The following CCDC171 variants were observed in gnomAD, a reference collection of about 807,000 sequenced individuals.
CCDC171 encodes coiled-coil domain containing 171.
In CCDC171, 177 loss-of-function variants were observed where a neutral mutation model predicts 168.2. The ratio of observed to expected loss-of-function variants is 1.05; its 90% CI spans 0.93 to 1.19. The LOEUF (loss-of-function observed/expected upper bound fraction) is 1.19, where lower values mean the gene tolerates loss of function less well. CCDC171 is among the 50% of genes most tolerant of loss of function. CCDC171 has a pLI of 0.00. For missense variants in CCDC171, 1,991 were observed against 1,539.0 expected (o/e 1.29, Z -4.91); for synonymous variants, 687 against 540.8 (o/e 1.27, Z -3.75).
At chr9:15,584,289 C>A (rs972578744) in intron 4 of CCDC171, among the ~76,000 whole-genome samples, 1 of 152,080 alleles carries the variant, frequency 6.6e-6, no homozygotes, top group Non-Finnish European at 1.5e-5. Flanking sequence ...TTTTACTCAC[C>A]CATGCAAGGT....
At chr9:16,044,324 C>T (rs2133060556) in intron 1 of CCDC171, among the ~76,000 whole-genome samples, 1 of 152,266 alleles carries the variant, frequency 6.6e-6, no homozygotes, top group East Asian at 1.9e-4. Flanking sequence ...GCCCAGTTTA[C>T]AGCCTGTCAG....
chr9:16,018,254 A>G (rs138631041), intron 3 of CCDC171, among the ~76,000 whole-genome samples: 1 of 152,308 alleles, frequency 6.6e-6, no homozygotes, highest in East Asian at 1.9e-4. Flanking sequence ...GGCCAGAAAG[A>G]TATATTATTT....
chr9:15,895,902 G>T (rs1236809387), intron 24 of CCDC171, among the ~76,000 whole-genome samples: 3 of 151,904 alleles, frequency 2.0e-5, no homozygotes, highest in African/African-American at 7.2e-5. Context: ...TATCATCACT[G>T]ATCTAGTAGT....
At chr9:16,095,828 A>C in the CCDC171 span, among the ~76,000 whole-genome samples, 1 of 148,024 alleles carries the variant, frequency 6.8e-6, no homozygotes, top group African/African-American at 2.5e-5. Context: ...ATACACACAC[A>C]CCCACATAGA....
the CCDC171 span, among the ~76,000 whole-genome samples, chr9:16,079,382 G>T: frequency 6.6e-6 from 1 of 152,188 alleles, no homozygotes; most frequent in Non-Finnish European, 1.5e-5. Context: ...AGGTAATTAG[G>T]ATGATCCCTA....
At chr9:15,654,048 C>G (rs888451506) in intron 7 of CCDC171, among the ~76,000 whole-genome samples, 1 of 152,116 alleles carries the variant, frequency 6.6e-6, no homozygotes, top group Admixed American at 6.5e-5. Flanking sequence ...TGAATATTTA[C>G]TAGTTTCACC....
intron 11 of CCDC171, among the ~76,000 whole-genome samples, chr9:15,720,414 T>C (rs1362740408): frequency 6.6e-6 from 1 of 152,192 alleles, no homozygotes; most frequent in African/African-American, 2.4e-5. Flanking sequence ...CCTTTCTTGT[T>C]TATCTTTGTA....
At chr9:15,943,025 A>T (rs574887479) in intron 25 of CCDC171, among the ~76,000 whole-genome samples, 3 of 151,926 alleles carry the variant, frequency 2.0e-5, no homozygotes, top group Non-Finnish European at 2.9e-5. Context: ...ATGGGTCCTG[A>T]GTTAAACTGC....
intron 24 of CCDC171, among the ~76,000 whole-genome samples, chr9:15,883,708 C>G (rs1819017604): frequency 6.6e-6 from 1 of 152,132 alleles, no homozygotes; most frequent in Non-Finnish European, 1.5e-5. Context: ...CTTAATTCAG[C>G]TTAATGTATG....
chr9:15,633,259 T>A (rs1210974250), intron 7 of CCDC171, among the ~76,000 whole-genome samples: 2 of 152,284 alleles, frequency 1.3e-5, no homozygotes, highest in African/African-American at 4.8e-5. Flanking sequence ...GAGAAAAGTT[T>A]TGCAACCTAC....
chr9:15,642,584 A>T (rs2046728367), intron 7 of CCDC171, among the ~76,000 whole-genome samples: 1 of 151,780 alleles, frequency 6.6e-6, no homozygotes, highest in South Asian at 2.1e-4. Context: ...TAGAAGATTT[A>T]AAAAAATTAT....
At position 15,879,355 on chromosome 9, in the gene CCDC171, T is replaced by C. The variant is rs147610214; in HGVS notation, c.3600+4692T>C. 3.9e-3 allele frequency among the ~76,000 whole-genome samples: 594 copies of C among 152,298 alleles called. 5 individuals carry two copies. Among genetic ancestry groups the C allele is most frequent in the African/African-American group, 0.014 (576 of 41,576 alleles). ...ACATGTTTTGGAGGCACATGTGATA[T>C]TTTGATACCTATATACAATGTGCAA... On this transcript the variant is annotated intron_variant, in intron 24 of 25. Transcript: ENST00000380701.
chr9:15,984,069 C>A, intron 3 of CCDC171, among the ~76,000 whole-genome samples: 1 of 152,216 alleles, frequency 6.6e-6, no homozygotes, highest in Non-Finnish European at 1.5e-5. Flanking sequence ...AGTTTCACAT[C>A]AAGCAAAACT....
chr9:15,813,935 G>C (rs75514346), intron 21 of CCDC171, among the ~76,000 whole-genome samples: 1,754 of 152,234 alleles, frequency 0.012, 59 homozygotes, highest in South Asian at 0.1. Context: ...CATATAAGGT[G>C]AAATAAGAAG....
intron 23 of CCDC171, among the ~76,000 whole-genome samples, chr9:15,856,271 C>G (rs2061345771): frequency 6.6e-6 from 1 of 151,944 alleles, no homozygotes; most frequent in South Asian, 2.1e-4. Context: ...ATAAGGCAGA[C>G]TTTCAGAACT....
At chr9:15,659,854 C>T (rs1405602843) in intron 8 of CCDC171, among the ~76,000 whole-genome samples, 2 of 152,132 alleles carry the variant, frequency 1.3e-5, no homozygotes, top group Admixed American at 6.5e-5. Context: ...TCTTTTCACC[C>T]AACCTCCTAT....
At chr9:15,733,214 G>C (rs1045482465) in intron 16 of CCDC171, among the ~76,000 whole-genome samples, 5 of 152,006 alleles carry the variant, frequency 3.3e-5, no homozygotes, top group Admixed American at 2.0e-4. Context: ...GGAGGTTCAG[G>C]TCATTTTTCA....
intron 11 of CCDC171, among the ~76,000 whole-genome samples, chr9:15,706,281 C>T (rs930440531): frequency 6.6e-6 from 1 of 150,800 alleles, no homozygotes; most frequent in Non-Finnish European, 1.5e-5. Context: ...TTCTTCCTTC[C>T]TTTCTTTTTC....
At chr9:15,555,995 C>T (rs887919764) in intron 1 of CCDC171, among the ~76,000 whole-genome samples, 8 of 152,118 alleles carry the variant, frequency 5.3e-5, no homozygotes, top group African/African-American at 1.9e-4. Context: ...TATCCATCTC[C>T]CTACAAAGGA....
Sources: gnomAD v4.1 joint callset for allele counts (sites outside exome capture counted in the v4.1 genomes callset) on GRCh38, gnomAD v4.1.1 for gene constraint, MANE v1.5 for transcripts, NCBI Gene and HGNC (gene_info 2026-07-23, HGNC 2026-07-21) for gene names.